BCL10: variants seen among roughly 807,000 people sequenced by gnomAD.
The protein encoded by BCL10 is BCL10 immune signaling adaptor.
A neutral mutation model predicts 19.2 loss-of-function variants in BCL10; 5 were observed. That is an observed-to-expected ratio of 0.26 (90% CI 0.14 to 0.55). BCL10 has a LOEUF of 0.55. Ranked by LOEUF, BCL10 falls within the 20% of genes least tolerant of loss-of-function variation. The pLI is 0.94. For missense variants in BCL10, 201 were observed against 271.9 expected, an observed-to-expected ratio of 0.74 and a Z score of 1.83; for synonymous variants, 110 against 98.8, an observed-to-expected ratio of 1.11 and a Z score of -0.67.
chr1:85,271,286 C>G lies in BCL10; in HGVS notation c.58-380G>C, dbSNP rs147006035. Among the ~76,000 whole-genome samples, 3 of 152,304 alleles carry G rather than the reference C, an allele frequency of 2.0e-5. No homozygotes were observed. In the East Asian group the frequency reaches 5.8e-4, roughly 29 times the overall value. Reference sequence around the variant, plus strand: ...GCAAGGAATGCAGAATTAGTCAGGACCAATAACTTAGTGAGAGGTCTCACA... The same window carrying G: ...GCAAGGAATGCAGAATTAGTCAGGAGCAATAACTTAGTGAGAGGTCTCACA... On this transcript the variant is annotated intron_variant, in intron 1 of 2. Coordinates refer to ENST00000648566, the MANE Select transcript of BCL10 (RefSeq NM_003921.5).
rs1045483026 is a variant in BCL10, at chr1:85,267,292, G to A, written c.*335C>T. On this transcript the variant is annotated 3_prime_UTR_variant, in exon 3 of 3. Coordinates refer to ENST00000648566, the MANE Select transcript of BCL10 (RefSeq NM_003921.5). ...AAAATTTCTAGCACAAATGCACTGA[G>A]GAAAAAACGTTCTTCCTAGTAAGGG... 2 of 245,412 alleles carry A rather than the reference G, an allele frequency of 8.1e-6. No individual in the cohort carries two copies. Among genetic ancestry groups the A allele is most frequent in the African/African-American group, 4.4e-5 (2 of 45,220 alleles). 15.2% of individuals were successfully genotyped at this position (245,412 alleles called of 1,614,324 possible).
At position 85,266,783 on chromosome 1, in the gene BCL10, G is replaced by T. The variant is rs998984594; in HGVS notation, c.*844C>A. On this transcript the variant is annotated 3_prime_UTR_variant, in exon 3 of 3. Transcript: ENST00000648566. ...CAGCTATATTACTTGAGAGGCTGAG[G>T]TGAGAGGATCACGTAAGCATGGGAG... 5.6e-6 allele frequency: 1 copy of T among 179,726 alleles called. No individual in the cohort carries two copies. The highest frequency in any genetic ancestry group is 1.2e-5 in the Non-Finnish European group (1 of 84,716). 11.1% of individuals were successfully genotyped at this position (179,726 alleles called of 1,614,324 possible).
At chr1:85,274,632 A>T (rs1660462816) in intron 1 of BCL10, among the ~76,000 whole-genome samples, 1 of 152,238 alleles carries the variant, frequency 6.6e-6, no homozygotes, top group Non-Finnish European at 1.5e-5. Flanking sequence ...AGGATAGTAA[A>T]AGTTCAATAT....
intron 2 of BCL10, among the ~76,000 whole-genome samples, chr1:85,269,740 G>T (rs1212315583): frequency 2.6e-5 from 4 of 152,190 alleles, no homozygotes; most frequent in Non-Finnish European, 5.9e-5. Context: ...GGCAGGAGGG[G>T]GTTGGGGATT....
rs1424612575 is a variant in BCL10 at position 85,276,556 on chromosome 1, G to A, written c.-204C>T. On this transcript the variant is annotated 5_prime_UTR_variant, in exon 1 of 3. Coordinates refer to ENST00000648566, the MANE Select transcript of BCL10 (RefSeq NM_003921.5). ...TCCGGCCCCGCCTCTGAGGTCGACG[G>A]CGACGCGAATCTACGCGACGCGACG... is the stretch of plus-strand genomic sequence containing the variant. 3.3e-6 allele frequency: 2 copies of A among 609,432 alleles called. No homozygotes were observed. The highest frequency in any genetic ancestry group is 5.8e-6 in the Non-Finnish European group (2 of 346,258). 37.8% of individuals were successfully genotyped at this position (609,432 alleles called of 1,614,324 possible). A position where few individuals can be genotyped will look rare whatever the true frequency, so the allele number is the denominator to read the frequency against.
Position 85,266,680 on chromosome 1 carries a change from T to TGG in BCL10, c.*945_*946dup. The TGG allele has an allele frequency of 5.6e-6, 1 of 179,520 alleles. No individual in the cohort carries two copies. The highest frequency in any genetic ancestry group is 6.3e-5 in the Admixed American group (1 of 15,862). The allele number at this position is 179,520 out of a possible 1,614,324, so 11.1% of individuals were successfully genotyped here. A position where few individuals can be genotyped will look rare whatever the true frequency, so the allele number is the denominator to read the frequency against. On this transcript the variant is annotated 3_prime_UTR_variant, in exon 3 of 3. Coordinates refer to ENST00000648566, the MANE Select transcript of BCL10 (RefSeq NM_003921.5). ...TGAGTCCAGGAGTTCAAGACCAGCC[T>TGG]GGCCAACATGGCAAAACACCGTCTC...
At chr1:85,268,890 A>G (rs1379831731) in intron 2 of BCL10, among the ~76,000 whole-genome samples, 5 of 152,216 alleles carry the variant, frequency 3.3e-5, no homozygotes, top group Non-Finnish European at 7.3e-5. Context: ...CTGTTTCTCA[A>G]CCTCACAGTT....
chr1:85,267,287 A>G lies in BCL10; in HGVS notation c.*340T>C, dbSNP rs374149276. ...TCTTGAAAATTTCTAGCACAAATGC[A>G]CTGAGGAAAAAACGTTCTTCCTAGT... On this transcript the variant is annotated 3_prime_UTR_variant, in exon 3 of 3. Coordinates refer to ENST00000648566, the MANE Select transcript of BCL10 (RefSeq NM_003921.5). 31 of 242,970 alleles carry G rather than the reference A, an allele frequency of 1.3e-4. 1 individual carries two copies. The highest frequency in any genetic ancestry group is 3.9e-4 in the East Asian group (6 of 15,530). The allele number at this position is 242,970 out of a possible 1,614,324, so 15.1% of individuals were successfully genotyped here.
rs1238436296 is a variant in BCL10, at chr1:85,267,955, A to T, written c.374T>A (p.Phe125Tyr). The change falls in exon 3 of 3, where the codon TTT becomes TAT. Residue 125 changes from phenylalanine (F) to tyrosine (Y), a missense_variant. Transcript: ENST00000648566. ...KGLKCSSCEP[F>Y]PDGATNNLSR... ...GAGGTTGTTCGTGGCTCCATCTGGA[A>T]AAGGTTCACAACTGCTACATTTTAG... 1 of 1,595,134 alleles carries T rather than the reference A, an allele frequency of 6.3e-7. No individual in the cohort carries two copies. The highest frequency in any genetic ancestry group is 8.5e-7 in the Non-Finnish European group (1 of 1,170,084).
At chr1:85,268,768 C>CA (rs57560275) in intron 2 of BCL10, among the ~76,000 whole-genome samples, 15,145 of 66,244 alleles carry the variant, frequency 0.23, 1,175 homozygotes, top group Non-Finnish European at 0.29. Context: ...GACTCCGTCT[C>CA]AAAAAAAAAA....
chr1:85,269,251 T>C (rs1364869373), intron 2 of BCL10, among the ~76,000 whole-genome samples: 2 of 152,220 alleles, frequency 1.3e-5, no homozygotes, highest in African/African-American at 4.8e-5. Flanking sequence ...CTTTAAAAGT[T>C]ACCCAGTCTC....
At chr1:85,270,487 G>A (rs1388209234) in intron 2 of BCL10, 131 bp downstream of exon 2, 6 of 774,410 alleles carry the variant, frequency 7.7e-6, no homozygotes, top group Non-Finnish European at 1.2e-5. Context: ...TGCCCAGGCT[G>A]GTCTCAAAAC....
In BCL10 at chr1:85,267,482, TA is replaced by T; in HGVS notation, c.*144del. 1.5e-6 allele frequency: 1 copy of T among 657,738 alleles called. No homozygotes were observed. The highest frequency in any genetic ancestry group is 2.4e-6 in the Non-Finnish European group (1 of 410,024). 40.7% of individuals were successfully genotyped at this position (657,738 alleles called of 1,614,324 possible). ...TCCTAGAAGTATGCTTTTTTAATTC[TA>T]AAAATCCTATTTACAAAGTATGCTT... On this transcript the variant is annotated 3_prime_UTR_variant, in exon 3 of 3. Transcript: ENST00000648566.
intron 1 of BCL10, among the ~76,000 whole-genome samples, chr1:85,273,541 T>A (rs1299154770): frequency 6.6e-6 from 1 of 152,194 alleles, no homozygotes; most frequent in Non-Finnish European, 1.5e-5. Context: ...ATTCCACACT[T>A]ACATTTCTAG....
Position 85,266,383 on chromosome 1 carries a change from T to C in BCL10, c.*1244A>G. On this transcript the variant is annotated 3_prime_UTR_variant, in exon 3 of 3. Coordinates refer to ENST00000648566, the MANE Select transcript of BCL10 (RefSeq NM_003921.5). ...TAAATAAAAACAAACAGTGAGAGCATAAGATTTATAAACATGTAAAATTAG... is the reference window on the plus strand; with the variant it reads ...TAAATAAAAACAAACAGTGAGAGCACAAGATTTATAAACATGTAAAATTAG... 5.4e-6 allele frequency: 1 copy of C among 186,646 alleles called. No homozygotes were observed. 11.6% of individuals were successfully genotyped at this position (186,646 alleles called of 1,614,324 possible).
chr1:85,266,352 G>A lies in BCL10; in HGVS notation c.*1275C>T, dbSNP rs1239873051. 1.1e-5 allele frequency: 2 copies of A among 185,824 alleles called. No individual in the cohort carries two copies. Among genetic ancestry groups the A allele is most frequent in the African/African-American group, 4.7e-5 (2 of 42,678 alleles). The allele number at this position is 185,824 out of a possible 1,614,324, so 11.5% of individuals were successfully genotyped here. A position where few individuals can be genotyped will look rare whatever the true frequency, so the allele number is the denominator to read the frequency against. ...ACAATGTCAGGAAACAGATAAAATTGTAATTTAAATAAAAACAAACAGTGA... is the reference window on the plus strand; with the variant it reads ...ACAATGTCAGGAAACAGATAAAATTATAATTTAAATAAAAACAAACAGTGA... On this transcript the variant is annotated 3_prime_UTR_variant, in exon 3 of 3. Transcript: ENST00000648566.
chr1:85,272,285 G>A (rs188795715), intron 1 of BCL10, among the ~76,000 whole-genome samples: 6 of 152,248 alleles, frequency 3.9e-5, no homozygotes, highest in Admixed American at 3.9e-4. Context: ...AGGCTGGAGT[G>A]CAGTGGCTTG....
rs1660524668 is a variant in BCL10 at position 85,276,227 on chromosome 1, C to CG, written c.57+68_57+69insC. 5 of 1,572,236 alleles carry CG rather than the reference C, an allele frequency of 3.2e-6. No individual in the cohort carries two copies. In the East Asian group the frequency reaches 1.1e-4, roughly 35 times the overall value. On this transcript the variant is annotated intron_variant, in intron 1 of 2. Coordinates refer to ENST00000648566, the MANE Select transcript of BCL10 (RefSeq NM_003921.5). ...ATCCTCCTTGTCCTCGGACTCCAGG[C>CG]TTCCGCTTTCGTCTCCCGCTGGGCT...
At chr1:85,273,744 C>T (rs1557788563) in intron 1 of BCL10, among the ~76,000 whole-genome samples, 1 of 152,216 alleles carries the variant, frequency 6.6e-6, no homozygotes, top group Non-Finnish European at 1.5e-5. Context: ...TGATCCAAAT[C>T]ACCATCCTCA....
Sources: gnomAD v4.1 joint callset for allele counts (sites outside exome capture counted in the v4.1 genomes callset) on GRCh38, gnomAD v4.1.1 for gene constraint, MANE v1.5 for transcripts, NCBI Gene and HGNC (gene_info 2026-07-23, HGNC 2026-07-21) for gene names.